The following MIS18A variants were observed in gnomAD, a reference collection of about 807,000 sequenced individuals.
MIS18A encodes protein Mis18-alpha.
In MIS18A, 14 loss-of-function variants were observed where a neutral mutation model predicts 25.0. The observed-to-expected ratio is 0.56, with a 90% CI of 0.37 to 0.88. The LOEUF (loss-of-function observed/expected upper bound fraction) is 0.88. Ranked by LOEUF, MIS18A falls within the 40% of genes least tolerant of loss-of-function variation. The probability of loss-of-function intolerance (pLI) is 0.00; values close to 1 mark genes in which losing one functional copy is unlikely to be tolerated. For missense variants in MIS18A, 292 were observed against 290.8 expected (o/e 1.00, Z -0.03); for synonymous variants, 134 against 118.6 (o/e 1.13, Z -0.84).
At chr21:32,192,656 G>A in the MIS18A span, among the ~76,000 whole-genome samples, 2 of 152,230 alleles carry the variant, frequency 1.3e-5, no homozygotes, top group Non-Finnish European at 1.5e-5. Context: ...CCATTAGCAG[G>A]GAGCAGGGGG....
At chr21:32,219,023 G>A in the MIS18A span, among the ~76,000 whole-genome samples, 2 of 150,312 alleles carry the variant, frequency 1.3e-5, no homozygotes, top group African/African-American at 4.9e-5. Context: ...AGCTGAGATC[G>A]TGTCATTGCA....
At chr21:32,158,471 A>ATTTTTTTTTTTTTTT in the MIS18A span, among the ~76,000 whole-genome samples, 1 of 144,644 alleles carries the variant, frequency 6.9e-6, no homozygotes, top group Non-Finnish European at 1.5e-5. Context: ...GATTATTATG[A>ATTTTTTTTTTTTTTT]TTTTTTTTTT....
the MIS18A span, among the ~76,000 whole-genome samples, chr21:32,155,576 T>C: frequency 6.6e-6 from 1 of 152,208 alleles, no homozygotes; most frequent in African/African-American, 2.4e-5. Context: ...AGGAACCTGT[T>C]CCATTAGGGC....
chr21:32,259,029 A>ATAC, the MIS18A span, among the ~76,000 whole-genome samples: 1 of 152,006 alleles, frequency 6.6e-6, no homozygotes, highest in East Asian at 1.9e-4. Flanking sequence ...GCACGCTACC[A>ATAC]CTGCTAACTT....
At chr21:32,251,753 A>T in the MIS18A span, among the ~76,000 whole-genome samples, 1 of 152,366 alleles carries the variant, frequency 6.6e-6, no homozygotes, top group Non-Finnish European at 1.5e-5. Flanking sequence ...CTCCAAACTA[A>T]TGTCTTTTGC....
At chr21:32,181,155 G>T in the MIS18A span, among the ~76,000 whole-genome samples, 5 of 152,148 alleles carry the variant, frequency 3.3e-5, no homozygotes, top group Non-Finnish European at 7.4e-5. Context: ...GAGAAAGGTT[G>T]AATTAATTCT....
At chr21:32,238,283 C>T in the MIS18A span, among the ~76,000 whole-genome samples, 1 of 152,186 alleles carries the variant, frequency 6.6e-6, no homozygotes, top group African/African-American at 2.4e-5. Context: ...GCTGCAGTGA[C>T]AATAACCCCC....
the MIS18A span, among the ~76,000 whole-genome samples, chr21:32,259,309 G>A: frequency 6.6e-6 from 1 of 152,140 alleles, no homozygotes; most frequent in Admixed American, 6.5e-5. Context: ...GGCATTCTCT[G>A]CCTCGCCTTG....
the MIS18A span, among the ~76,000 whole-genome samples, chr21:32,219,970 C>A: frequency 6.6e-6 from 1 of 152,182 alleles, no homozygotes; most frequent in African/African-American, 2.4e-5. Context: ...AAGGTAGCAG[C>A]CCCAGTCAGG....
At chr21:32,201,964 G>A in the MIS18A span, among the ~76,000 whole-genome samples, 1 of 152,090 alleles carries the variant, frequency 6.6e-6, no homozygotes, top group Non-Finnish European at 1.5e-5. Flanking sequence ...CAAAATTAAA[G>A]GCATATACCC....
At chr21:32,234,752 C>G in the MIS18A span, among the ~76,000 whole-genome samples, 1 of 152,124 alleles carries the variant, frequency 6.6e-6, no homozygotes. Context: ...TGATTGGAAG[C>G]TTCCTGAGGC....
chr21:32,188,646 G>A, the MIS18A span, among the ~76,000 whole-genome samples: 10 of 152,290 alleles, frequency 6.6e-5, no homozygotes, highest in East Asian at 1.5e-3. Flanking sequence ...AGGAAAAGAC[G>A]TTGCTCCAGG....
At chr21:32,222,151 T>C in the MIS18A span, among the ~76,000 whole-genome samples, 1 of 151,704 alleles carries the variant, frequency 6.6e-6, no homozygotes, top group South Asian at 2.1e-4. Context: ...TCCTAGTCTT[T>C]GATAAAACAG....
intron 1 of MIS18A, among the ~76,000 whole-genome samples, chr21:32,276,635 T>C (rs1399897245): frequency 6.6e-6 from 1 of 151,958 alleles, no homozygotes; most frequent in Non-Finnish European, 1.5e-5. Context: ...AAACAATTTA[T>C]ATAAACTTTA....
chr21:32,159,498 T>G, the MIS18A span, among the ~76,000 whole-genome samples: 1 of 152,362 alleles, frequency 6.6e-6, no homozygotes, highest in South Asian at 2.1e-4. Flanking sequence ...TTTTATAGTT[T>G]ATAACCCTTA....
Position 32,269,009 on chromosome 21 carries a change from G to A in MIS18A, c.*28C>T. 1 of 1,505,938 alleles carries A rather than the reference G, an allele frequency of 6.6e-7. No homozygotes were observed. Among genetic ancestry groups the A allele is most frequent in the Non-Finnish European group, 9.1e-7 (1 of 1,097,520 alleles). 93.3% of individuals were successfully genotyped at this position (1,505,938 alleles called of 1,614,324 possible). On this transcript the variant is annotated 3_prime_UTR_variant, in exon 5 of 5. Transcript: ENST00000290130. ...TAACAAATAAGGGGAGGAAGGGCGG[G>A]GGCAGAATGGAGGACACAGACTAGA...
the MIS18A span, among the ~76,000 whole-genome samples, chr21:32,176,605 C>G: frequency 2.6e-5 from 4 of 151,652 alleles, no homozygotes; most frequent in African/African-American, 9.7e-5. Context: ...TAAAAGTGTA[C>G]GTATTAGAAA....
At chr21:32,208,140 T>C in the MIS18A span, among the ~76,000 whole-genome samples, 2 of 152,186 alleles carry the variant, frequency 1.3e-5, no homozygotes, top group East Asian at 1.9e-4. Flanking sequence ...TCTCTCTCTC[T>C]CTCTCTGAGA....
chr21:32,166,760 C>T, the MIS18A span, among the ~76,000 whole-genome samples: 1 of 151,896 alleles, frequency 6.6e-6, no homozygotes, highest in African/African-American at 2.4e-5. Flanking sequence ...GTAGATACTC[C>T]CCTTCGAGAG....
Sources: gnomAD v4.1 joint callset for allele counts (sites outside exome capture counted in the v4.1 genomes callset) on GRCh38, gnomAD v4.1.1 for gene constraint, MANE v1.5 for transcripts, NCBI Gene and HGNC (gene_info 2026-07-23, HGNC 2026-07-21) for gene names.